The following SLC12A9 variants were observed in gnomAD, a reference collection of about 807,000 sequenced individuals.
The protein encoded by SLC12A9 is solute carrier family 12 member 9.
Under a neutral mutation model 66.0 loss-of-function variants are expected in SLC12A9, and 55 were observed. That is an observed-to-expected ratio of 0.83 (90% CI 0.67 to 1.04). SLC12A9 has a LOEUF of 1.04. SLC12A9 is among the 50% of genes least tolerant of loss of function. The pLI is 0.00. For missense variants in SLC12A9, 1,061 were observed against 1,241.9 expected, an observed-to-expected ratio of 0.85 and a Z score of 2.19; for synonymous variants, 577 against 569.0, an observed-to-expected ratio of 1.01 and a Z score of -0.20.
chr7:100,832,137 T>G (rs946045385), intron 1 of SLC12A9, among the ~76,000 whole-genome samples: 1 of 151,920 alleles, frequency 6.6e-6, no homozygotes, highest in East Asian at 1.9e-4. Flanking sequence ...GAGGCGGAGG[T>G]TGCAGTGAGC....
chr7:100,844,357 A>G (rs981442725), intron 1 of SLC12A9, among the ~76,000 whole-genome samples: 20 of 152,328 alleles, frequency 1.3e-4, no homozygotes, highest in African/African-American at 4.8e-4. Context: ...AAATAAGATT[A>G]AGAATGAAGA....
intron 1 of SLC12A9, among the ~76,000 whole-genome samples, chr7:100,853,848 C>T (rs1164507070): frequency 6.6e-6 from 1 of 152,066 alleles, no homozygotes; most frequent in Non-Finnish European, 1.5e-5. Context: ...CCTGCCTCAG[C>T]CTCCCAAGTA....
intron 1 of SLC12A9, among the ~76,000 whole-genome samples, chr7:100,840,053 G>C (rs1813751965): frequency 6.6e-6 from 1 of 151,732 alleles, no homozygotes; most frequent in African/African-American, 2.4e-5. Flanking sequence ...TTTTTGACTT[G>C]ACTTAGATTG....
chr7:100,830,635 A>G (rs764966438), intron 1 of SLC12A9, among the ~76,000 whole-genome samples: 20 of 151,880 alleles, frequency 1.3e-4, no homozygotes, highest in Non-Finnish European at 2.1e-4. Context: ...GAAAAAATGA[A>G]ATCTTTACTG....
intron 1 of SLC12A9, among the ~76,000 whole-genome samples, chr7:100,829,379 C>T (rs1253337343): frequency 5.9e-5 from 9 of 152,296 alleles, no homozygotes; most frequent in Non-Finnish European, 8.8e-5. Context: ...GGCTGCCAAG[C>T]GCCCTTACGT....
rs1429727921 is a variant in SLC12A9 at position 100,827,002 on chromosome 7, G to A, written n.183G>A. The A allele has an allele frequency of 1.0e-5, 16 of 1,578,138 alleles. No individual in the cohort carries two copies. Among genetic ancestry groups the A allele is most frequent in the African/African-American group, 1.4e-5 (1 of 73,688 alleles). On this transcript the variant is annotated non_coding_transcript_exon_variant, in exon 1 of 2. Transcript: ENST00000461016. ...ACCTTCCAAAGCTGCGGCCAACGAA[G>A]CCCAGCAGAGCAGCACCCGGAGCTC...
intron 1 of SLC12A9, among the ~76,000 whole-genome samples, chr7:100,831,709 T>A (rs1467845465): frequency 2.0e-5 from 3 of 152,146 alleles, no homozygotes; most frequent in Non-Finnish European, 4.4e-5. Flanking sequence ...CTTTTCCTAT[T>A]GTAAGAAATA....
chr7:100,842,736 C>T (rs1813813156), intron 1 of SLC12A9, among the ~76,000 whole-genome samples: 1 of 152,248 alleles, frequency 6.6e-6, no homozygotes, highest in South Asian at 2.1e-4. Flanking sequence ...GCACATTAAA[C>T]AAAAGCAATT....
chr7:100,856,515 C>T (rs2472556), intron 4 of SLC12A9: 143 of 90,940 alleles, frequency 1.6e-3, no homozygotes, highest in East Asian at 3.3e-3. Flanking sequence ...GCCCCTTCTT[C>T]TTTTTTTTTT....
At chr7:100,856,515 C>CTT (rs759252930) in intron 4 of SLC12A9, 42 of 90,850 alleles carry the variant, frequency 4.6e-4, no homozygotes, top group East Asian at 8.2e-4. Context: ...GCCCCTTCTT[C>CTT]TTTTTTTTTT....
Position 100,861,088 on chromosome 7 carries a change from G to T in SLC12A9, c.1219-50G>T. On this transcript the variant is annotated intron_variant, in intron 9 of 13. Coordinates refer to ENST00000354161, the MANE Select transcript of SLC12A9 (RefSeq NM_020246.4). The surrounding 1 kb of genome is among the most constrained non-coding windows in gnomAD (Gnocchi z 5.3). ...TCTTTGGTGTTCACTGGCATTTTGG[G>T]GGTGCACTGGCACTTTGGAACAACG... 1 of 1,613,628 alleles carries T rather than the reference G, an allele frequency of 6.2e-7. No homozygotes were observed. Among genetic ancestry groups the T allele is most frequent in the Non-Finnish European group, 8.5e-7 (1 of 1,179,890 alleles).
chr7:100,854,005 A>C (rs983931631), intron 1 of SLC12A9, among the ~76,000 whole-genome samples, 151 bp from the exon 2 acceptor site: 1 of 152,180 alleles, frequency 6.6e-6, no homozygotes, highest in Non-Finnish European at 1.5e-5. Flanking sequence ...CTGGGATTAC[A>C]GGCATGAACC....
At chr7:100,838,122 A>G (rs971981861) in intron 1 of SLC12A9, among the ~76,000 whole-genome samples, 41 of 151,940 alleles carry the variant, frequency 2.7e-4, no homozygotes, top group African/African-American at 9.2e-4. Flanking sequence ...CAGCCTCCCA[A>G]AGTGCTGGGA....
intron 1 of SLC12A9, among the ~76,000 whole-genome samples, chr7:100,846,876 A>G (rs1389881131): frequency 6.6e-6 from 1 of 152,180 alleles, no homozygotes; most frequent in Non-Finnish European, 1.5e-5. Flanking sequence ...CCCCTGACCT[A>G]ATCGGTTATG....
chr7:100,827,490 C>G (rs1813443950), intron 1 of SLC12A9: 1 of 150,786 alleles, frequency 6.6e-6, no homozygotes, highest in Non-Finnish European at 1.5e-5. Flanking sequence ...GCCGGGCGGG[C>G]CGGGCCGGGC....
intron 1 of SLC12A9, among the ~76,000 whole-genome samples, chr7:100,828,551 C>CAA (rs34743877): frequency 0.021 from 816 of 39,170 alleles, 7 homozygotes; most frequent in African/African-American, 0.03. Flanking sequence ...GACGAAATCT[C>CAA]AAAAAAAAAA....
chr7:100,858,773 A>G lies in SLC12A9; in HGVS notation c.758-62A>G, dbSNP rs1233912633. 6 of 1,526,112 alleles carry G rather than the reference A, an allele frequency of 3.9e-6. No individual in the cohort carries two copies. In the Admixed American group the frequency reaches 5.1e-5, roughly 13 times the overall value. 94.5% of individuals were successfully genotyped at this position (1,526,112 alleles called of 1,614,324 possible). On this transcript the variant is annotated intron_variant, in intron 5 of 13. Transcript: ENST00000354161. Reference sequence around the variant, plus strand: ...GTGGGAATGTGTGGAGAGGGTGGCTAAGAGGCCTGGATCCCTGAGACGGAT... The same window carrying G: ...GTGGGAATGTGTGGAGAGGGTGGCTGAGAGGCCTGGATCCCTGAGACGGAT...
chr7:100,865,398 G>T (rs573314842), intron 13 of SLC12A9: 1 of 1,535,998 alleles, frequency 6.5e-7, no homozygotes, highest in Non-Finnish European at 8.7e-7. Context: ...CAGATGCCCC[G>T]CTAGAAGCCG....
chr7:100,866,341 CGCAGAG>C lies in SLC12A9; in HGVS notation c.2490_2495del (p.Glu831_Ala832del), dbSNP rs1815094244. ...ACTTTGTGAACAGTGGGCGGGGAGA[CGCAGAG>C]GCAGAGGCCCTGGCACGCAGCGCCA... On this transcript the variant is annotated inframe_deletion, in exon 14 of 14. Coordinates refer to ENST00000354161, the MANE Select transcript of SLC12A9 (RefSeq NM_020246.4). The surrounding 1 kb of genome is among the most constrained non-coding windows in gnomAD (Gnocchi z 7.3). 6.6e-7 allele frequency: 1 copy of C among 1,507,004 alleles called. No homozygotes were observed. Among genetic ancestry groups the C allele is most frequent in the Admixed American group, 2.1e-5 (1 of 46,866 alleles). The allele number at this position is 1,507,004 out of a possible 1,614,324, so 93.4% of individuals were successfully genotyped here. A position where few individuals can be genotyped will look rare whatever the true frequency, so the allele number is the denominator to read the frequency against.
Sources: allele counts gnomAD v4.1 joint callset (sites outside exome capture counted in the v4.1 genomes callset), GRCh38; gene constraint gnomAD v4.1.1; non-coding constraint Gnocchi (gnomAD v3.1); transcripts MANE v1.5; gene names NCBI Gene and HGNC (gene_info 2026-07-23, HGNC 2026-07-21).